RNF25: variants seen among roughly 807,000 people sequenced by gnomAD.
RNF25 encodes ring finger protein 25.
RNF25 carries 32 observed loss-of-function variants against 65.0 expected under a neutral mutation model. The observed-to-expected ratio is 0.49, with a 90% CI of 0.37 to 0.66. The LOEUF is 0.66. Among genes scored for constraint, RNF25 ranks in the 30% least tolerant of loss-of-function variants. The pLI is 0.00. For synonymous variants in RNF25, 207 were observed against 221.2 expected, an observed-to-expected ratio of 0.94 and a Z score of 0.57; for missense variants, 493 against 584.8, an observed-to-expected ratio of 0.84 and a Z score of 1.62.
intron 1 of RNF25, among the ~76,000 whole-genome samples, chr2:218,670,418 G>A (rs1048698503): frequency 2.0e-5 from 3 of 151,122 alleles, no homozygotes; most frequent in Non-Finnish European, 3.0e-5. Context: ...GAGGGGGGCC[G>A]GGCGCGGTGG....
At chr2:218,666,546 T>G (rs1337031098) in intron 5 of RNF25, among the ~76,000 whole-genome samples, 2 of 152,214 alleles carry the variant, frequency 1.3e-5, no homozygotes, top group African/African-American at 4.8e-5. Context: ...TCAATTAAAA[T>G]TTATCTTCTG....
At chr2:218,671,476 T>C (rs1028380985) in intron 1 of RNF25, among the ~76,000 whole-genome samples, 1 of 152,116 alleles carries the variant, frequency 6.6e-6, no homozygotes, top group Non-Finnish European at 1.5e-5. Context: ...ACAATAGTCC[T>C]CACTAGTGCT....
At chr2:218,668,947 G>A (rs1462650406) in intron 1 of RNF25, among the ~76,000 whole-genome samples, 1 of 152,232 alleles carries the variant, frequency 6.6e-6, no homozygotes, top group Non-Finnish European at 1.5e-5. Flanking sequence ...CTTAACATAG[G>A]TAGAACTAGG....
At chr2:218,666,275 G>T in intron 5 of RNF25, 45 bp from the exon 6 acceptor site, 1 of 1,497,018 alleles carries the variant, frequency 6.7e-7, no homozygotes, top group Non-Finnish European at 9.3e-7. Flanking sequence ...GGGGAAGAAC[G>T]GTGAGCAAGG....
rs1199901648 is a variant in RNF25 at position 218,668,141 on chromosome 2, G to A, written c.225C>T (p.Pro75=). The change falls in exon 4 of 10, where the codon CCC becomes CCT. Residue 75 remains proline (P), a synonymous_variant. Transcript: ENST00000295704. ...TLVLQVPAEY[P]HEVPQISIRN... ...GGATAGAGATCTGTGGCACCTCATG[G>A]GGATACTAGTGGGGGCAAATAACAA... 1 of 1,614,164 alleles carries A rather than the reference G, an allele frequency of 6.2e-7. No individual in the cohort carries two copies. Among genetic ancestry groups the A allele is most frequent in the South Asian group, 1.1e-5 (1 of 91,088 alleles).
chr2:218,670,472 G>A (rs184465179), intron 1 of RNF25, among the ~76,000 whole-genome samples: 1 of 152,016 alleles, frequency 6.6e-6, no homozygotes, highest in Non-Finnish European at 1.5e-5. Flanking sequence ...GAGGCGGGTG[G>A]ATCATGAAGT....
intron 7 of RNF25, 79 bp downstream of exon 7, chr2:218,665,837 T>C (rs759078894): frequency 4.6e-6 from 7 of 1,533,136 alleles, no homozygotes; most frequent in Admixed American, 2.0e-5. Flanking sequence ...GAAGAGCCAC[T>C]GGAGTGGAGA....
chr2:218,665,071 C>A (rs1169977283), intron 8 of RNF25, 84 bp downstream of exon 8: 5 of 1,471,916 alleles, frequency 3.4e-6, no homozygotes, highest in Middle Eastern at 3.4e-4. Flanking sequence ...TTCAGAGATC[C>A]CATTTGACAC....
intron 3 of RNF25, 24 bp from the exon 4 acceptor site, chr2:218,668,170 A>G: frequency 1.2e-6 from 2 of 1,613,674 alleles, no homozygotes; most frequent in Non-Finnish European, 1.7e-6. Flanking sequence ...ATAACAAGTT[A>G]CTGCTGAAGC....
At chr2:218,671,860 G>A (rs372157433) in intron 1 of RNF25, 70 bp downstream of exon 1, 131 of 1,569,998 alleles carry the variant, frequency 8.3e-5, no homozygotes, top group East Asian at 7.7e-4. Flanking sequence ...CGTACGGACC[G>A]TCTGCGACAG....
chr2:218,666,986 T>C (rs1939836673), intron 5 of RNF25, among the ~76,000 whole-genome samples: 1 of 151,986 alleles, frequency 6.6e-6, no homozygotes, highest in Non-Finnish European at 1.5e-5. Flanking sequence ...CTGGCCAACA[T>C]GGAGAAACCC....
rs748087996 is a variant in RNF25, at chr2:218,664,212, A to G, written c.1125T>C (p.Pro375=). 2 of 1,596,868 alleles carry G rather than the reference A, an allele frequency of 1.3e-6. No individual in the cohort carries two copies. Among genetic ancestry groups the G allele is most frequent in the Non-Finnish European group, 1.7e-6 (2 of 1,172,036 alleles). The stretch of plus-strand genomic sequence containing the variant: ...CCATGGGCTCCTTGAGGGGCCCCTC[A>G]GGAGGTGGCAGTTCCTGGGTGTCAC... ...GTRDTQELPP[P]EGPLKEPMDL... is the part of the protein sequence containing the mutation. Residue 375 remains proline (P), a synonymous_variant, in exon 10 of 10, where the codon CCT becomes CCC. Coordinates refer to ENST00000295704, the MANE Select transcript of RNF25 (RefSeq NM_022453.3). This position sits in a 1 kb window ranked among gnomAD's most constrained non-coding sequence, Gnocchi z 5.1.
intron 5 of RNF25, 26 bp downstream of exon 5, chr2:218,667,886 A>T (rs753976848): frequency 6.2e-7 from 1 of 1,605,796 alleles, no homozygotes; most frequent in Non-Finnish European, 8.5e-7. Flanking sequence ...AGGAAAGAAC[A>T]TATCTCAGAC....
Position 218,664,938 on chromosome 2 carries a change from T to A in RNF25, c.667-65A>T. 1 of 1,597,822 alleles carries A rather than the reference T, an allele frequency of 6.3e-7. No individual in the cohort carries two copies. Among genetic ancestry groups the A allele is most frequent in the Non-Finnish European group, 8.5e-7 (1 of 1,171,606 alleles). On this transcript the variant is annotated intron_variant, in intron 8 of 9. Transcript: ENST00000295704. This position sits in a 1 kb window ranked among gnomAD's most constrained non-coding sequence, Gnocchi z 5.1. The stretch of plus-strand genomic sequence containing the variant: ...GAAGGCTGACTCAAACCTCTACTCC[T>A]CCCAGGCTGCCTCAGGAGATCTGCA...
intron 1 of RNF25, 67 bp from the exon 2 acceptor site, chr2:218,668,746 A>G: frequency 9.0e-7 from 1 of 1,106,996 alleles, no homozygotes; most frequent in Non-Finnish European, 1.4e-6. Flanking sequence ...TAAGGCCAAT[A>G]AAGGCAGGCT....
Position 218,664,322 on chromosome 2 carries a change from G to A in RNF25, c.1015C>T (p.Pro339Ser), listed in dbSNP as rs750819816. The A allele has an allele frequency of 1.5e-5, 25 of 1,614,032 alleles. No homozygotes were observed. The highest frequency in any genetic ancestry group is 2.0e-5 in the Non-Finnish European group (24 of 1,180,000). ...CAGGGACCTCGACTGGGCTTGGGGG[G>A]ATCTAGCATAGCTTTCTGGGTTTCG... Reference protein sequence around the residue: ...LGETQKAMLDPPKPSRGPWRQ... With the variant: ...LGETQKAMLDSPKPSRGPWRQ... Residue 339 changes from proline (P) to serine (S), a missense_variant, in exon 10 of 10, where the codon CCC becomes TCC. This residue lies in a region of RNF25 where 351 missense variants were observed against 400.2 expected (regional missense o/e 0.88). Transcript: ENST00000295704. The surrounding 1 kb of genome is among the most constrained non-coding windows in gnomAD (Gnocchi z 5.1).
In RNF25 at chr2:218,664,039, G is replaced by C. The variant is rs115343354; in HGVS notation, c.1298C>G (p.Pro433Arg). ...TGCTCCCTGGCCCCGAGGCAGGCGA[G>C]GGTAGGAAGAACCGGGTGTCCGGCC... is the stretch of plus-strand genomic sequence containing the variant. Reference protein sequence around the residue: ...SKGRTPGSSYPRLPRGQGAYR... With the variant: ...SKGRTPGSSYRRLPRGQGAYR... The change falls in exon 10 of 10, where the codon CCT becomes CGT. Residue 433 changes from proline to arginine, a missense_variant. This residue lies in a region of RNF25 where 351 missense variants were observed against 400.2 expected (regional missense o/e 0.88). Coordinates refer to ENST00000295704, the MANE Select transcript of RNF25 (RefSeq NM_022453.3). This position sits in a 1 kb window ranked among gnomAD's most constrained non-coding sequence, Gnocchi z 5.1. 1,477 of 1,501,152 alleles carry C rather than the reference G, an allele frequency of 9.8e-4. 3 individuals are homozygous for C. The highest frequency in any genetic ancestry group is 9.8e-4 in the Non-Finnish European group (1,102 of 1,125,360). 93.0% of individuals were successfully genotyped at this position (1,501,152 alleles called of 1,614,324 possible). A position where few individuals can be genotyped will look rare whatever the true frequency, so the allele number is the denominator to read the frequency against.
chr2:218,671,917 C>T lies in RNF25; in HGVS notation c.41+13G>A, dbSNP rs1219097708. On this transcript the variant is annotated intron_variant, in intron 1 of 9. Coordinates refer to ENST00000295704, the MANE Select transcript of RNF25 (RefSeq NM_022453.3). ...TCCAGGCTGTCAGCCAAAGCCCATG[C>T]CCCCAAAGTTACCAGTCCTCCTCCC... is the stretch of plus-strand genomic sequence containing the variant. 8 of 1,614,072 alleles carry T rather than the reference C, an allele frequency of 5.0e-6. No individual in the cohort carries two copies. The highest frequency in any genetic ancestry group is 2.7e-5 in the African/African-American group (2 of 74,938).
At position 218,667,976 on chromosome 2, in the gene RNF25, A is replaced by G. The variant is rs1416298288; in HGVS notation, c.293T>C (p.Leu98Ser). ...GLSDEQIHTI[L>S]QVLGHVAKAG... ...CTTGGCCACGTGGCCCAGCACCTGT[A>G]AGATCCTGGAGGAAGAGGGCAAACC... is the stretch of plus-strand genomic sequence containing the variant. Residue 98 changes from leucine to serine, a missense_variant, in exon 5 of 10, where the codon TTA (leucine) becomes TCA (serine). By Grantham distance (145) the Leu-to-Ser change is moderately radical (BLOSUM62 -2). Around this residue, in one of 3 missense-constraint regions of RNF25, gnomAD observed 108 missense variants for 166.0 expected, o/e 0.65. Transcript: ENST00000295704. 1.2e-6 allele frequency: 2 copies of G among 1,614,194 alleles called. No homozygotes were observed. Among genetic ancestry groups the G allele is most frequent in the Admixed American group, 1.7e-5 (1 of 60,026 alleles).
Sources: gnomAD v4.1 joint callset for allele counts (sites outside exome capture counted in the v4.1 genomes callset) on GRCh38, gnomAD v4.1.1 for gene constraint, gnomAD v4.1.1 regional missense constraint, Gnocchi (gnomAD v3.1) non-coding constraint, MANE v1.5 for transcripts, NCBI Gene and HGNC (gene_info 2026-07-23, HGNC 2026-07-21) for gene names.